Variants in CD4 observed in about 807,000 individuals in gnomAD.
CD4 encodes CD4 molecule.
In CD4, 25 loss-of-function variants were observed where a neutral mutation model predicts 50.5. That is an observed-to-expected ratio of 0.49 (90% CI 0.36 to 0.69). CD4 has a LOEUF of 0.69. CD4 is among the 30% of genes least tolerant of loss of function. The pLI is 0.00. For missense variants in CD4, 456 were observed against 548.5 expected (o/e 0.83, Z 1.68); for synonymous variants, 207 against 221.9 (o/e 0.93, Z 0.60).
chr12:6,803,531 T>A (rs1555115699), intron 3 of CD4, among the ~76,000 whole-genome samples: 5 of 148,932 alleles, frequency 3.4e-5, no homozygotes, highest in Non-Finnish European at 1.5e-5. Context: ...ACGCCTGTAA[T>A]CCCAGCACTT....
At chr12:6,794,003 T>TATCTATCTATC (rs1355497162) in intron 1 of CD4, among the ~76,000 whole-genome samples, 6 of 151,774 alleles carry the variant, frequency 4.0e-5, no homozygotes, top group African/African-American at 1.5e-4. Context: ...TCTATCTATC[T>TATCTATCTATC]ATCACCTATC....
intron 3 of CD4, among the ~76,000 whole-genome samples, chr12:6,807,024 G>A (rs1036067012): frequency 1.1e-4 from 16 of 152,146 alleles, no homozygotes; most frequent in South Asian, 2.1e-4. Flanking sequence ...AAAATTAGCC[G>A]GGCGTGGTGG....
chr12:6,808,603 T>C (rs1481314319), intron 3 of CD4, among the ~76,000 whole-genome samples: 5 of 151,994 alleles, frequency 3.3e-5, no homozygotes, highest in African/African-American at 1.2e-4. Context: ...TTAAGACAAC[T>C]TAGAAATGTA....
chr12:6,804,111 AAAATAAAT>A (rs141689932), intron 3 of CD4, among the ~76,000 whole-genome samples: 79,837 of 144,358 alleles, frequency 0.55, 22,542 homozygotes, highest in Middle Eastern at 0.63. Context: ...ACTCTGTCTC[AAAATAAAT>A]AAATAAATAA....
At chr12:6,796,632 C>A (rs1565489789) in intron 1 of CD4, among the ~76,000 whole-genome samples, 1 of 152,214 alleles carries the variant, frequency 6.6e-6, no homozygotes, top group African/African-American at 2.4e-5. Context: ...ACAGACCATG[C>A]CACATCTTTA....
rs1390089471 is a variant in CD4, at chr12:6,818,159, G to GCA, written c.1157-253_1157-252dup. 6.6e-6 allele frequency among the ~76,000 whole-genome samples: 1 copy of GCA among 151,480 alleles called. No individual in the cohort carries two copies. The highest frequency in any genetic ancestry group is 2.4e-5 in the African/African-American group (1 of 41,166). ...CACACACATGCACACACTCACACAT[G>GCA]CACACACACATGCACTCACACACAC... is the stretch of plus-strand genomic sequence containing the variant. On this transcript the variant is annotated intron_variant, in intron 7 of 9. Coordinates refer to ENST00000011653, the MANE Select transcript of CD4 (RefSeq NM_000616.5). This position sits in a 1 kb window ranked among gnomAD's most constrained non-coding sequence, Gnocchi z 5.0.
chr12:6,816,003 G>T lies in CD4; in HGVS notation c.608-53G>T. On this transcript the variant is annotated intron_variant, in intron 5 of 9. Transcript: ENST00000011653. The surrounding 1 kb of genome is among the most constrained non-coding windows in gnomAD (Gnocchi z 4.9). ...GCCTCCACATGCCAACCCCACTCGT[G>T]CACCCTCATCTTCCTATCTCCTCAC... The T allele has an allele frequency of 1.2e-6, 2 of 1,609,152 alleles. No individual in the cohort carries two copies. The highest frequency in any genetic ancestry group is 1.7e-6 in the Non-Finnish European group (2 of 1,178,104).
chr12:6,816,413 C>T lies in CD4; in HGVS notation c.955+10C>T, dbSNP rs1591564218. ...CTGGTGGTGATGAGAGGTGAGGGGC[C>T]AGGCCAGGGAGGGGTGGGCAGGGGA... On this transcript the variant is annotated intron_variant, in intron 6 of 9. Transcript: ENST00000011653. The surrounding 1 kb of genome is among the most constrained non-coding windows in gnomAD (Gnocchi z 4.9). The T allele has an allele frequency of 6.9e-6, 11 of 1,600,272 alleles. No homozygotes were observed. The East Asian group carries it at 2.5e-4, about 36-fold the overall frequency.
chr12:6,812,912 G>GT lies in CD4; in HGVS notation c.215-1221dup, dbSNP rs369318582. ...AGCGATCTTGTGCCTCAGCCTCCCA[G>GT]TTTTTTTTTCTTTTAAATGGGGTCT... On this transcript the variant is annotated intron_variant, in intron 3 of 9. Coordinates refer to ENST00000011653, the MANE Select transcript of CD4 (RefSeq NM_000616.5). 3.5e-3 allele frequency among the ~76,000 whole-genome samples: 517 copies of GT among 149,710 alleles called. 1 individual carries two copies. Among genetic ancestry groups the GT allele is most frequent in the African/African-American group, 0.011 (467 of 40,652 alleles).
intron 1 of CD4, among the ~76,000 whole-genome samples, chr12:6,795,864 G>A (rs1434293635): frequency 6.6e-6 from 1 of 152,190 alleles, no homozygotes; most frequent in African/African-American, 2.4e-5. Context: ...GTGCTGGAGG[G>A]CAAGAGAGCC....
chr12:6,791,433 A>G (rs891009792), intron 1 of CD4, among the ~76,000 whole-genome samples: 1 of 152,104 alleles, frequency 6.6e-6, no homozygotes, highest in Non-Finnish European at 1.5e-5. Flanking sequence ...AGTAGAGACC[A>G]GGTTTCACTA....
chr12:6,799,953 T>C (rs1174797832), intron 1 of CD4, 119 bp from the exon 2 acceptor site: 1 of 603,070 alleles, frequency 1.7e-6, no homozygotes, highest in Non-Finnish European at 3.0e-6. Flanking sequence ...CCTCTGCTAT[T>C]CTCCTGCCTC....
intron 1 of CD4, among the ~76,000 whole-genome samples, chr12:6,793,071 A>G (rs1331720406): frequency 1.3e-5 from 2 of 152,094 alleles, no homozygotes; most frequent in Non-Finnish European, 2.9e-5. Context: ...GTACTAGGGT[A>G]AGACACCTCT....
intron 1 of CD4, among the ~76,000 whole-genome samples, chr12:6,791,006 C>T (rs933854840): frequency 3.3e-5 from 5 of 152,128 alleles, no homozygotes; most frequent in African/African-American, 7.2e-5. Flanking sequence ...ACAAAATGGC[C>T]GCCGCCCTCA....
chr12:6,801,993 C>T, intron 3 of CD4, among the ~76,000 whole-genome samples: 1 of 151,532 alleles, frequency 6.6e-6, no homozygotes, highest in Non-Finnish European at 1.5e-5. Context: ...CCTGCCTCAG[C>T]CTCCTGAGTA....
chr12:6,817,256 T>C lies in CD4; in HGVS notation c.1082T>C (p.Leu361Pro), dbSNP rs1555118104. The C allele has an allele frequency of 5.0e-6, 8 of 1,605,092 alleles. No homozygotes were observed. Among genetic ancestry groups the C allele is most frequent in the Non-Finnish European group, 6.8e-6 (8 of 1,175,256 alleles). ...VSKREKAVWV[L>P]NPEAGMWQCL... Reference sequence around the variant, plus strand: ...AAGCGGGAGAAGGCGGTGTGGGTGCTGAACCCTGAGGCGGGGATGTGGCAG... The same window carrying C: ...AAGCGGGAGAAGGCGGTGTGGGTGCCGAACCCTGAGGCGGGGATGTGGCAG... Residue 361 changes from leucine to proline, a missense_variant, in exon 7 of 10, where the codon CTG (leucine) becomes CCG (proline). Transcript: ENST00000011653.
intron 1 of CD4, among the ~76,000 whole-genome samples, chr12:6,796,660 G>T (rs946944657): frequency 1.3e-5 from 2 of 152,198 alleles, no homozygotes; most frequent in Admixed American, 6.5e-5. Context: ...ATCAGCAGTG[G>T]GTCCCCTCAC....
chr12:6,812,078 T>G (rs11831514), intron 3 of CD4, among the ~76,000 whole-genome samples: 15,999 of 152,084 alleles, frequency 0.11, 1,524 homozygotes, highest in African/African-American at 0.25. Flanking sequence ...GCTCCACCAC[T>G]TACGGGAGTC....
At position 6,818,950 on chromosome 12, in the gene CD4, AG is replaced by A; in HGVS notation, c.1346+41del. Reference sequence around the variant, plus strand: ...GGGAGGAGGGGTTGAGAGAGGGGAAAGGGGGAGGGGGAGGGAGTTAGAGAGG... The same window carrying A: ...GGGAGGAGGGGTTGAGAGAGGGGAAAGGGGAGGGGGAGGGAGTTAGAGAGG... On this transcript the variant is annotated intron_variant, in intron 9 of 9. Coordinates refer to ENST00000011653, the MANE Select transcript of CD4 (RefSeq NM_000616.5). This position sits in a 1 kb window ranked among gnomAD's most constrained non-coding sequence, Gnocchi z 5.0. The A allele has an allele frequency of 3.4e-6, 2 of 585,816 alleles. No individual in the cohort carries two copies. The highest frequency in any genetic ancestry group is 6.2e-6 in the Non-Finnish European group (2 of 321,894). 36.3% of individuals were successfully genotyped at this position (585,816 alleles called of 1,614,324 possible). A position where few individuals can be genotyped will look rare whatever the true frequency, so the allele number is the denominator to read the frequency against.
Sources: gnomAD v4.1 joint callset for allele counts (sites outside exome capture counted in the v4.1 genomes callset) on GRCh38, gnomAD v4.1.1 for gene constraint, Gnocchi (gnomAD v3.1) non-coding constraint, MANE v1.5 for transcripts, NCBI Gene and HGNC (gene_info 2026-07-23, HGNC 2026-07-21) for gene names.